The following TMEFF2 variants were observed in gnomAD, a reference collection of about 807,000 sequenced individuals.
TMEFF2 encodes the protein tomoregulin-2.
TMEFF2 carries 28 observed loss-of-function variants against 53.8 expected under a neutral mutation model. The ratio of observed to expected loss-of-function variants is 0.52; its 90% CI spans 0.39 to 0.71. TMEFF2 has a LOEUF of 0.71. Ranked by LOEUF, TMEFF2 falls within the 30% of genes least tolerant of loss-of-function variation. TMEFF2 has a pLI of 0.00. For synonymous variants in TMEFF2, 162 were observed against 166.3 expected (o/e 0.97, Z 0.20); for missense variants, 353 against 455.2 (o/e 0.78, Z 2.04).
intron 5 of TMEFF2, among the ~76,000 whole-genome samples, chr2:192,042,505 C>T (rs1420628900): frequency 1.3e-5 from 2 of 152,138 alleles, no homozygotes; most frequent in African/African-American, 4.8e-5. Flanking sequence ...GTGTGCTACA[C>T]TCCAAAAGAA....
At chr2:192,052,831 A>G (rs1687806906) in intron 5 of TMEFF2, among the ~76,000 whole-genome samples, 1 of 152,200 alleles carries the variant, frequency 6.6e-6, no homozygotes, top group African/African-American at 2.4e-5. Flanking sequence ...GTTACTTTCG[A>G]AGTCCATCCT....
At chr2:192,144,284 G>A (rs981339833) in intron 4 of TMEFF2, among the ~76,000 whole-genome samples, 1 of 151,934 alleles carries the variant, frequency 6.6e-6, no homozygotes, top group African/African-American at 2.4e-5. Context: ...TTAATGATTA[G>A]TATGAAAGAT....
At position 191,950,171 on chromosome 2, in the gene TMEFF2, G is replaced by A; in HGVS notation, c.*140C>T. The A allele has an allele frequency of 5.4e-6, 8 of 1,468,120 alleles. No homozygotes were observed. Among genetic ancestry groups the A allele is most frequent in the Non-Finnish European group, 7.2e-6 (8 of 1,114,414 alleles). 90.9% of individuals were successfully genotyped at this position (1,468,120 alleles called of 1,614,324 possible). Reference sequence around the variant, plus strand: ...TATCCATACATAATCAAATATAGCTGTAGTACATGTTTTCATTGGTGTAGA... The same window carrying A: ...TATCCATACATAATCAAATATAGCTATAGTACATGTTTTCATTGGTGTAGA... On this transcript the variant is annotated 3_prime_UTR_variant, in exon 10 of 10. Transcript: ENST00000272771.
rs1264463491 is a variant in TMEFF2 at position 192,191,947 on chromosome 2, T to G, written c.215A>C (p.Asn72Thr). 3.1e-6 allele frequency: 5 copies of G among 1,613,522 alleles called. No homozygotes were observed. Among genetic ancestry groups the G allele is most frequent in the Non-Finnish European group, 4.2e-6 (5 of 1,179,682 alleles). ...RENDLFLCDTNTCKFDGECLR... is the reference protein window; with the variant it reads ...RENDLFLCDTTTCKFDGECLR... ...ACATTCCCCATCAAATTTACAGGTG[T>G]TGGTGTCACAGAGGAAGAGATCATT... is the stretch of plus-strand genomic sequence containing the variant. The change falls in exon 2 of 10, where the codon AAC becomes ACC. Residue 72 changes from asparagine (N) to threonine (T), a missense_variant. Asn to Thr is a moderately conservative substitution (Grantham distance 65). This residue lies in a region of TMEFF2 where 294 missense variants were observed against 397.3 expected (regional missense o/e 0.74). Coordinates refer to ENST00000272771, the MANE Select transcript of TMEFF2 (RefSeq NM_016192.4).
chr2:192,095,537 T>C lies in TMEFF2; in HGVS notation c.440-37762A>G, dbSNP rs527322899. Among the ~76,000 whole-genome samples the C allele has an allele frequency of 2.1e-3, 318 of 152,182 alleles. 2 individuals carry two copies. Among genetic ancestry groups the C allele is most frequent in the South Asian group, 6.6e-3 (32 of 4,824 alleles). ...AGAAAACACAATAAACCCAAAACTT[T>C]TCCTGCAGCAAAAGAAATATAGAAA... On this transcript the variant is annotated intron_variant, in intron 4 of 9. Transcript: ENST00000272771.
intron 5 of TMEFF2, chr2:192,036,973 T>G (rs1187356348): frequency 2.0e-5 from 3 of 152,162 alleles, no homozygotes; most frequent in African/African-American, 7.2e-5. Context: ...GTTTGTTCAT[T>G]TCTTTATTGT....
In TMEFF2 at chr2:192,075,332, T is replaced by TATATACACACAC. The variant is rs796267672; in HGVS notation, c.440-17558_440-17557insGTGTGTGTATAT. ...ATATATATATATATATATATATATATACATACATACTATGTATATCCTTGC... is the reference window on the plus strand; with the variant it reads ...ATATATATATATATATATATATATATATATACACACACACATACATACTATGTATATCCTTGC... On this transcript the variant is annotated intron_variant, in intron 4 of 9. Coordinates refer to ENST00000272771, the MANE Select transcript of TMEFF2 (RefSeq NM_016192.4). Among the ~76,000 whole-genome samples, 10 of 88,140 alleles carry TATATACACACAC rather than the reference T, an allele frequency of 1.1e-4. No individual in the cohort carries two copies. The East Asian group carries it at 2.9e-3, about 26-fold the overall frequency. 57.8% of individuals were successfully genotyped at this position (88,140 alleles called of 152,430 possible). A position where few individuals can be genotyped will look rare whatever the true frequency, so the allele number is the denominator to read the frequency against.
chr2:192,049,564 G>C (rs556056704), intron 5 of TMEFF2, among the ~76,000 whole-genome samples: 3 of 152,122 alleles, frequency 2.0e-5, no homozygotes, highest in Non-Finnish European at 4.4e-5. Flanking sequence ...AGGAATCGCT[G>C]ACTCAGAATA....
At position 192,069,988 on chromosome 2, in the gene TMEFF2, GTATATATATATATATATATA is replaced by G. The variant is rs55800219; in HGVS notation, c.440-12233_440-12214del. 3.3e-3 allele frequency among the ~76,000 whole-genome samples: 387 copies of G among 118,782 alleles called. 2 individuals are homozygous for G. Among genetic ancestry groups the G allele is most frequent in the South Asian group, 4.3e-3 (17 of 3,910 alleles). 77.9% of individuals were successfully genotyped at this position (118,782 alleles called of 152,430 possible). ...AATGTGTGTGTGTGTGTGTGTGTGTGTATATATATATATATATATATATATATATATATATATATATATAT... is the reference window on the plus strand; with the variant it reads ...AATGTGTGTGTGTGTGTGTGTGTGTGTATATATATATATATATATATATAT... On this transcript the variant is annotated intron_variant, in intron 4 of 9. Coordinates refer to ENST00000272771, the MANE Select transcript of TMEFF2 (RefSeq NM_016192.4).
chr2:192,095,084 T>C (rs1688873064), intron 4 of TMEFF2, among the ~76,000 whole-genome samples: 2 of 152,196 alleles, frequency 1.3e-5, no homozygotes, highest in Non-Finnish European at 2.9e-5. Flanking sequence ...GGATGTATTC[T>C]CCTCTAGAAC....
At chr2:191,967,371 A>G (rs1401267819) in intron 7 of TMEFF2, among the ~76,000 whole-genome samples, 1 of 152,172 alleles carries the variant, frequency 6.6e-6, no homozygotes, top group African/African-American at 2.4e-5. Flanking sequence ...GTATAAACAC[A>G]ATTCTACTAT....
At chr2:192,161,972 G>A (rs144102543) in intron 4 of TMEFF2, among the ~76,000 whole-genome samples, 2 of 152,274 alleles carry the variant, frequency 1.3e-5, no homozygotes, top group African/African-American at 2.4e-5. Flanking sequence ...TACAGAGAGC[G>A]TTTTGAAGGG....
At chr2:192,115,520 A>G (rs1689383359) in intron 4 of TMEFF2, among the ~76,000 whole-genome samples, 1 of 152,050 alleles carries the variant, frequency 6.6e-6, no homozygotes, top group Non-Finnish European at 1.5e-5. Flanking sequence ...TACAGAGCAA[A>G]TGAAACAATC....
intron 5 of TMEFF2, among the ~76,000 whole-genome samples, chr2:192,054,914 T>G (rs911584769): frequency 2.6e-5 from 4 of 152,048 alleles, no homozygotes; most frequent in African/African-American, 7.2e-5. Flanking sequence ...AGTATACAAA[T>G]GGATAAAACC....
chr2:192,152,398 T>A (rs1403762192), intron 4 of TMEFF2, among the ~76,000 whole-genome samples: 2 of 151,904 alleles, frequency 1.3e-5, no homozygotes, highest in Non-Finnish European at 1.5e-5. Context: ...GCTGTTGTAA[T>A]CATTTCTGAC....
intron 4 of TMEFF2, among the ~76,000 whole-genome samples, chr2:192,104,592 C>G (rs1324742264): frequency 6.6e-6 from 1 of 152,058 alleles, no homozygotes; most frequent in Non-Finnish European, 1.5e-5. Flanking sequence ...TAAACCTCTT[C>G]TATTCATATT....
intron 5 of TMEFF2, chr2:192,036,661 C>T (rs549738988): frequency 2.6e-5 from 4 of 152,344 alleles, no homozygotes; most frequent in African/African-American, 9.6e-5. Context: ...CCCTTTTCAA[C>T]TTTGACCTTC....
intron 4 of TMEFF2, among the ~76,000 whole-genome samples, chr2:192,069,026 A>T (rs1394888250): frequency 6.6e-6 from 1 of 151,460 alleles, no homozygotes; most frequent in East Asian, 1.9e-4. Flanking sequence ...AAAGAATGGC[A>T]AAAACGGAAT....
chr2:192,025,341 G>A (rs1246306592), intron 5 of TMEFF2, among the ~76,000 whole-genome samples: 2 of 151,104 alleles, frequency 1.3e-5, no homozygotes, highest in Admixed American at 1.3e-4. Flanking sequence ...GCTGGGTAAG[G>A]TCTTATCTGA....
Sources: allele counts gnomAD v4.1 joint callset (sites outside exome capture counted in the v4.1 genomes callset), GRCh38; gene constraint gnomAD v4.1.1; regional missense constraint gnomAD v4.1.1; transcripts MANE v1.5; gene names NCBI Gene and HGNC (gene_info 2026-07-23, HGNC 2026-07-21).